The following NPEPPS variants were observed in gnomAD, a reference collection of about 807,000 sequenced individuals.
NPEPPS encodes puromycin-sensitive aminopeptidase.
NPEPPS carries 14 observed loss-of-function variants against 115.5 expected under a neutral mutation model. The observed-to-expected ratio is 0.12, with a 90% CI of 0.08 to 0.19. The LOEUF is 0.19. Ranked by LOEUF, NPEPPS falls within the 10% of genes least tolerant of loss-of-function variation. The pLI is 1.00. For synonymous variants in NPEPPS, 285 were observed against 390.6 expected, an observed-to-expected ratio of 0.73 and a Z score of 3.19; for missense variants, 523 against 1,110.8, an observed-to-expected ratio of 0.47 and a Z score of 7.52.
At chr17:47,544,173 C>T (rs1157667489) in intron 1 of NPEPPS, among the ~76,000 whole-genome samples, 1 of 152,070 alleles carries the variant, frequency 6.6e-6, no homozygotes, top group Non-Finnish European at 1.5e-5. Context: ...GGATTACAGG[C>T]GTGAGCCACC....
In NPEPPS at chr17:47,537,375, C is replaced by T. The variant is rs1188243964; in HGVS notation, c.255+5820C>T. Among the ~76,000 whole-genome samples, 6 of 152,080 alleles carry T rather than the reference C, an allele frequency of 3.9e-5. No homozygotes were observed. In the East Asian group the frequency reaches 9.7e-4, roughly 24 times the overall value. The stretch of plus-strand genomic sequence containing the variant: ...ATTTTCCAGATAACTGAAGTTTACC[C>T]TTTGAGGCCCTTAGACATTTTTAAA... On this transcript the variant is annotated intron_variant, in intron 1 of 22. Transcript: ENST00000322157.
intron 1 of NPEPPS, among the ~76,000 whole-genome samples, chr17:47,538,499 C>T (rs113232101): frequency 0.024 from 3,625 of 150,588 alleles, 103 homozygotes; most frequent in East Asian, 0.1. Flanking sequence ...CAGGCATGAA[C>T]CACCGCGCCT....
Position 47,559,832 on chromosome 17 carries a change from C to T in NPEPPS, c.341-9585C>T, listed in dbSNP as rs1910314118. On this transcript the variant is annotated intron_variant, in intron 2 of 22. Transcript: ENST00000322157. The stretch of plus-strand genomic sequence containing the variant: ...ACCTAGATAGACTGTGTTACTTGAA[C>T]TCCTGGGCTTAAGCAGTCCTTCCAC... 5 of 327,288 alleles carry T rather than the reference C, an allele frequency of 1.5e-5. No individual in the cohort carries two copies. The Middle Eastern group carries it at 3.7e-3, about 245-fold the overall frequency. The allele number at this position is 327,288 out of a possible 1,614,324, so 20.3% of individuals were successfully genotyped here. A position where few individuals can be genotyped will look rare whatever the true frequency, so the allele number is the denominator to read the frequency against.
At chr17:47,588,299 C>T (rs1270198354) in intron 9 of NPEPPS, among the ~76,000 whole-genome samples, 5 of 152,090 alleles carry the variant, frequency 3.3e-5, no homozygotes, top group Non-Finnish European at 7.4e-5. Context: ...CGGTGGCTCA[C>T]GCCGGTAATC....
At chr17:47,584,668 A>G (rs1475496678) in intron 5 of NPEPPS, among the ~76,000 whole-genome samples, 2 of 152,218 alleles carry the variant, frequency 1.3e-5, no homozygotes, top group Admixed American at 6.5e-5. Flanking sequence ...TTGAGGAAAC[A>G]GAGCCTGAAT....
chr17:47,532,044 G>T (rs1224066176), intron 1 of NPEPPS, among the ~76,000 whole-genome samples: 1 of 152,076 alleles, frequency 6.6e-6, no homozygotes, highest in Non-Finnish European at 1.5e-5. Flanking sequence ...GGTCATTTGG[G>T]ACTCTGGCCG....
At chr17:47,546,197 C>T (rs890108587) in intron 2 of NPEPPS, among the ~76,000 whole-genome samples, 2 of 151,942 alleles carry the variant, frequency 1.3e-5, no homozygotes, top group Admixed American at 1.3e-4. Context: ...GAGGCTGAGG[C>T]GAGCAGATCC....
intron 2 of NPEPPS, among the ~76,000 whole-genome samples, chr17:47,567,617 AT>A (rs1567850477): frequency 6.6e-6 from 1 of 151,894 alleles, no homozygotes; most frequent in African/African-American, 2.4e-5. Flanking sequence ...TTTTTAGTCT[AT>A]TTACAGAGTT....
chr17:47,607,926 C>T lies in NPEPPS; in HGVS notation c.2095+2374C>T, dbSNP rs1013210961. On this transcript the variant is annotated intron_variant, in intron 17 of 22. Transcript: ENST00000322157. The stretch of plus-strand genomic sequence containing the variant: ...GTGATGCAGTCATAGCTCACTGCAG[C>T]CTCGAATTCCTGGATTCAAGCTATC... 4.7e-4 allele frequency among the ~76,000 whole-genome samples: 71 copies of T among 152,062 alleles called. 1 individual carries two copies. Among genetic ancestry groups the T allele is most frequent in the African/African-American group, 1.6e-3 (66 of 41,400 alleles).
intron 2 of NPEPPS, chr17:47,548,154 A>G (rs1350050195): frequency 5.9e-5 from 9 of 152,130 alleles, no homozygotes; most frequent in African/African-American, 2.2e-4. Flanking sequence ...GCCTCATAAC[A>G]TTTATGATTT....
At chr17:47,536,203 C>A (rs1040864101) in intron 1 of NPEPPS, among the ~76,000 whole-genome samples, 38 of 152,144 alleles carry the variant, frequency 2.5e-4, no homozygotes, top group South Asian at 1.7e-3. Context: ...GGCCAGAAAT[C>A]AGGATATCCT....
intron 3 of NPEPPS, among the ~76,000 whole-genome samples, chr17:47,579,117 T>G (rs1436268409): frequency 6.6e-6 from 1 of 151,948 alleles, no homozygotes; most frequent in Non-Finnish European, 1.5e-5. Context: ...TCCTTTCCTG[T>G]TCTTATTTTC....
chr17:47,558,937 G>A (rs1252940441), intron 2 of NPEPPS, among the ~76,000 whole-genome samples: 1 of 152,066 alleles, frequency 6.6e-6, no homozygotes, highest in East Asian at 1.9e-4. Context: ...GAGAGGCTGA[G>A]GCAGGAGAAT....
At chr17:47,532,978 C>T (rs188789341) in intron 1 of NPEPPS, among the ~76,000 whole-genome samples, 2 of 151,944 alleles carry the variant, frequency 1.3e-5, no homozygotes, top group African/African-American at 4.8e-5. Context: ...AGTCTGGGGT[C>T]GGGGGAAATC....
intron 13 of NPEPPS, among the ~76,000 whole-genome samples, chr17:47,598,314 A>T (rs1239997121): frequency 6.6e-6 from 1 of 151,292 alleles, no homozygotes; most frequent in African/African-American, 2.4e-5. Context: ...CTCTACTAAA[A>T]GTAAAAAAAA....
Position 47,612,532 on chromosome 17 carries a change from A to G in NPEPPS, c.2168A>G (p.Glu723Gly). 2 of 1,614,006 alleles carry G rather than the reference A, an allele frequency of 1.2e-6. No individual in the cohort carries two copies. Among genetic ancestry groups the G allele is most frequent in the Non-Finnish European group, 1.7e-6 (2 of 1,179,880 alleles). ...LGKAGHKATLEEARRRFKDHV... is the reference protein window; with the variant it reads ...LGKAGHKATLGEARRRFKDHV... ...AAAGCAGGACATAAGGCAACGTTAG[A>G]AGAAGCCCGTCGTCGGTTTAAGGAC... is the stretch of plus-strand genomic sequence containing the variant. Residue 723 changes from glutamate to glycine, a missense_variant, in exon 18 of 23, where the codon GAA becomes GGA. Around this residue, in one of 4 missense-constraint regions of NPEPPS, gnomAD observed 372 missense variants for 542.6 expected, o/e 0.69. Transcript: ENST00000322157.
intron 2 of NPEPPS, 53 bp from the exon 3 acceptor site, chr17:47,569,364 T>C (rs1911049922): frequency 8.4e-7 from 1 of 1,185,342 alleles, no homozygotes; most frequent in East Asian, 2.4e-5. Flanking sequence ...CAGTCTTGAT[T>C]TCGTCTTGTC....
At chr17:47,554,535 A>G (rs1909874347) in intron 2 of NPEPPS, among the ~76,000 whole-genome samples, 1 of 150,896 alleles carries the variant, frequency 6.6e-6, no homozygotes, top group Non-Finnish European at 1.5e-5. Context: ...AATTTGTAAA[A>G]ATTTTTTGTG....
At chr17:47,619,660 G>T in intron 21 of NPEPPS, 77 bp from the exon 22 acceptor site, 2 of 1,184,662 alleles carry the variant, frequency 1.7e-6, no homozygotes, top group Non-Finnish European at 2.5e-6. Flanking sequence ...AGAACAGAAT[G>T]ATTTATTTTT....
Sources: allele counts gnomAD v4.1 joint callset (sites outside exome capture counted in the v4.1 genomes callset), GRCh38; gene constraint gnomAD v4.1.1; regional missense constraint gnomAD v4.1.1; transcripts MANE v1.5; gene names NCBI Gene and HGNC (gene_info 2026-07-23, HGNC 2026-07-21).